The following GRIN2B variants were observed in gnomAD, a reference collection of about 807,000 sequenced individuals.
GRIN2B encodes glutamate receptor ionotropic, NMDA 2B.
In GRIN2B, 5 loss-of-function variants were observed where a neutral mutation model predicts 114.5. The ratio of observed to expected loss-of-function variants is 0.04; its 90% confidence interval spans 0.02 to 0.09. The LOEUF is 0.09. GRIN2B is among the 10% of genes least tolerant of loss of function. The pLI, the probability that GRIN2B is intolerant of heterozygous loss-of-function variation, is 1.00. For missense variants in GRIN2B, 1,108 were observed against 1,943.5 expected, an observed-to-expected ratio of 0.57 and a Z score of 8.08; for synonymous variants, 787 against 745.1, an observed-to-expected ratio of 1.06 and a Z score of -0.92.
At chr12:13,842,917 CTTTTT>C (rs201344138) in intron 3 of GRIN2B, among the ~76,000 whole-genome samples, 1 of 103,222 alleles carries the variant, frequency 9.7e-6, no homozygotes, top group Admixed American at 1.0e-4. Context: ...ATTGGTTTTT[CTTTTT>C]TTTTTTTTTT....
In GRIN2B at chr12:13,635,014, T is replaced by A. The variant is rs571482263; in HGVS notation, c.1126-18357A>T. ...TGCATCTTTAACCTCTTTGTGTTCT[T>A]CTTTTTAGTCAATACTTCACTGCTT... On this transcript the variant is annotated intron_variant, in intron 5 of 13. Transcript: ENST00000609686. 2.1e-4 allele frequency among the ~76,000 whole-genome samples: 32 copies of A among 152,346 alleles called. No individual in the cohort carries two copies. The South Asian group carries it at 6.6e-3, about 32-fold the overall frequency.
chr12:13,819,021 C>T (rs1457940870), intron 3 of GRIN2B, among the ~76,000 whole-genome samples: 1 of 152,176 alleles, frequency 6.6e-6, no homozygotes, highest in African/African-American at 2.4e-5. Flanking sequence ...GAAGGCCTAA[C>T]CACTAGGACC....
chr12:13,870,253 C>A (rs1865885460), intron 2 of GRIN2B, among the ~76,000 whole-genome samples: 1 of 152,090 alleles, frequency 6.6e-6, no homozygotes, highest in Non-Finnish European at 1.5e-5. Flanking sequence ...CAGGCCAGGG[C>A]CAGTATTGGG....
At chr12:13,751,736 T>C (rs1237109595) in intron 4 of GRIN2B, among the ~76,000 whole-genome samples, 1 of 152,006 alleles carries the variant, frequency 6.6e-6, no homozygotes, top group African/African-American at 2.4e-5. Context: ...CAGCTAAGAA[T>C]ACAAATTTAG....
At position 13,915,916 on chromosome 12, in the gene GRIN2B, C is replaced by T. The variant is rs186528555; in HGVS notation, c.-18-49690G>A. Among the ~76,000 whole-genome samples the T allele has an allele frequency of 5.9e-4, 89 of 152,038 alleles. 1 individual carries two copies. Among genetic ancestry groups the T allele is most frequent in the African/African-American group, 1.8e-3 (76 of 41,480 alleles). On this transcript the variant is annotated intron_variant, in intron 2 of 13. Transcript: ENST00000609686. ...TTTCCAGTGCCCTTCAATCACTAGGCAACTAGATGATTTGTTTTTTAAAAT... is the reference window on the plus strand; with the variant it reads ...TTTCCAGTGCCCTTCAATCACTAGGTAACTAGATGATTTGTTTTTTAAAAT...
At chr12:13,711,020 C>CA (rs1295996220) in intron 4 of GRIN2B, among the ~76,000 whole-genome samples, 1 of 151,936 alleles carries the variant, frequency 6.6e-6, no homozygotes, top group Non-Finnish European at 1.5e-5. Flanking sequence ...GTACTGGTAC[C>CA]AAAACAGAGA....
intron 3 of GRIN2B, among the ~76,000 whole-genome samples, chr12:13,766,823 T>A (rs531993704): frequency 6.6e-6 from 1 of 152,358 alleles, no homozygotes; most frequent in South Asian, 2.1e-4. Flanking sequence ...ATTTGATTTC[T>A]TTACACTGGC....
intron 2 of GRIN2B, among the ~76,000 whole-genome samples, chr12:13,941,897 TCTG>T (rs1257080325): frequency 1.3e-5 from 2 of 152,234 alleles, no homozygotes; most frequent in African/African-American, 2.4e-5. Flanking sequence ...CAGCGCAGTG[TCTG>T]CTAAGGACAA....
At chr12:13,894,414 A>T (rs982807205) in intron 2 of GRIN2B, among the ~76,000 whole-genome samples, 5 of 152,140 alleles carry the variant, frequency 3.3e-5, no homozygotes, top group Non-Finnish European at 7.4e-5. Flanking sequence ...AATTATGTTT[A>T]CCAAGAGATT....
chr12:13,571,936 G>A lies in GRIN2B; in HGVS notation c.2039C>T (p.Pro680Leu), dbSNP rs1445945562. The A allele has an allele frequency of 6.2e-7, 1 of 1,613,922 alleles. No homozygotes were observed. The highest frequency in any genetic ancestry group is 8.5e-7 in the Non-Finnish European group (1 of 1,179,924). ...KFQRPNDFSP[P>L]FRFGTVPNGS... is the part of the protein sequence containing the mutation. ...GTTGGGCACGGTCCCAAAGCGGAAA[G>A]GGGGTGAGAAGTCATTAGGTCTCTG... Residue 680 changes from proline (P) to leucine (L), a missense_variant, in exon 11 of 14, where the codon CCT (proline) becomes CTT (leucine). Around this residue, in one of 19 missense-constraint regions of GRIN2B, gnomAD observed 10 missense variants for 17.4 expected, o/e 0.57. Coordinates refer to ENST00000609686, the MANE Select transcript of GRIN2B (RefSeq NM_000834.5).
chr12:13,897,442 G>C (rs1866371893), intron 2 of GRIN2B, among the ~76,000 whole-genome samples: 1 of 152,320 alleles, frequency 6.6e-6, no homozygotes, highest in Non-Finnish European at 1.5e-5. Flanking sequence ...AAGAGCATCA[G>C]CTTAGAGAGA....
intron 3 of GRIN2B, among the ~76,000 whole-genome samples, chr12:13,853,746 T>C (rs914346397): frequency 6.6e-6 from 1 of 152,246 alleles, no homozygotes; most frequent in African/African-American, 2.4e-5. Flanking sequence ...GACGTAGGAA[T>C]GTATCTGCCA....
In GRIN2B at chr12:13,569,948, C is replaced by T. The variant is rs1246680081; in HGVS notation, c.2241G>A (p.Lys747=). 6.2e-7 allele frequency: 1 copy of T among 1,612,398 alleles called. No homozygotes were observed. Among genetic ancestry groups the T allele is most frequent in the Admixed American group, 1.7e-5 (1 of 60,006 alleles). Residue 747 remains lysine (K), a synonymous_variant, in exon 12 of 14, where the codon AAG becomes AAA. Transcript: ENST00000609686. ...NYMAGRDEGC[K]LVTIGSGKVF... ...CCTTCCCACTGCCAATGGTCACCAG[C>T]TTGCAGCCTTCATCTCTGCCTGCCA...
chr12:13,804,435 T>G (rs1196411099), intron 3 of GRIN2B, among the ~76,000 whole-genome samples: 2 of 152,118 alleles, frequency 1.3e-5, no homozygotes, highest in Non-Finnish European at 2.9e-5. Context: ...CCATCTATTT[T>G]TAGTCCTGTC....
chr12:13,807,538 C>T (rs764516715), intron 3 of GRIN2B, among the ~76,000 whole-genome samples: 13 of 151,948 alleles, frequency 8.6e-5, no homozygotes, highest in African/African-American at 2.2e-4. Flanking sequence ...CTCACCACAG[C>T]GAAATTTGCC....
At chr12:13,922,781 G>T (rs1866845265) in intron 2 of GRIN2B, among the ~76,000 whole-genome samples, 1 of 152,146 alleles carries the variant, frequency 6.6e-6, no homozygotes. Flanking sequence ...CTGTGCTTTG[G>T]GAAACAACGC....
intron 2 of GRIN2B, among the ~76,000 whole-genome samples, chr12:13,873,425 A>G (rs1865943501): frequency 6.6e-6 from 1 of 152,208 alleles, no homozygotes; most frequent in Non-Finnish European, 1.5e-5. Context: ...TCCAATTTCA[A>G]TCCTCTAAAT....
intron 4 of GRIN2B, among the ~76,000 whole-genome samples, chr12:13,728,994 T>A (rs1300699191): frequency 6.6e-6 from 1 of 152,192 alleles, no homozygotes; most frequent in African/African-American, 2.4e-5. Flanking sequence ...ACTCTCTCCA[T>A]ACACAAGTAT....
intron 10 of GRIN2B, among the ~76,000 whole-genome samples, chr12:13,597,545 G>C (rs1238711433): frequency 6.6e-6 from 1 of 152,206 alleles, no homozygotes; most frequent in Non-Finnish European, 1.5e-5. Flanking sequence ...TCAGTCTTTA[G>C]TTAGCCACAG....
Sources: gnomAD v4.1 joint callset for allele counts (sites outside exome capture counted in the v4.1 genomes callset) on GRCh38, gnomAD v4.1.1 for gene constraint, gnomAD v4.1.1 regional missense constraint, MANE v1.5 for transcripts, NCBI Gene and HGNC (gene_info 2026-07-23, HGNC 2026-07-21) for gene names.